F13B: variants seen among roughly 807,000 people sequenced by gnomAD.
F13B encodes the protein coagulation factor XIII B chain, also known as TGase.
A neutral mutation model predicts 79.8 loss-of-function variants in F13B; 58 were observed. The ratio of observed to expected loss-of-function variants is 0.73; its 90% CI spans 0.59 to 0.90. F13B has a LOEUF of 0.90. Among genes scored for constraint, F13B ranks in the 40% least tolerant of loss-of-function variants. F13B has a pLI of 0.00. For synonymous variants in F13B, 283 were observed against 260.3 expected (o/e 1.09, Z -0.84); for missense variants, 773 against 777.0 (o/e 0.99, Z 0.06).
intron 10 of F13B, among the ~76,000 whole-genome samples, chr1:197,044,199 C>A (rs1655142676): frequency 6.6e-6 from 1 of 152,036 alleles, no homozygotes; most frequent in Admixed American, 6.6e-5. Flanking sequence ...AAGGTCTTAG[C>A]CACCGACAGA....
In F13B at chr1:197,057,271, C is replaced by T; in HGVS notation, c.985+15G>A. The T allele has an allele frequency of 2.5e-6, 4 of 1,613,904 alleles. No individual in the cohort carries two copies. Among genetic ancestry groups the T allele is most frequent in the Non-Finnish European group, 3.4e-6 (4 of 1,179,902 alleles). The stretch of plus-strand genomic sequence containing the variant: ...AGATTTCATTTTAGCAAAGCTTCTT[C>T]AAGGTGTTACTAACCAATGCATTTT... On this transcript the variant is annotated intron_variant, in intron 6 of 11. Transcript: ENST00000367412.
intron 10 of F13B, among the ~76,000 whole-genome samples, chr1:197,042,084 T>C (rs1428391834): frequency 6.6e-6 from 1 of 152,220 alleles, no homozygotes; most frequent in Non-Finnish European, 1.5e-5. Flanking sequence ...AATTTAACGT[T>C]TTCAGACTGC....
intron 10 of F13B, among the ~76,000 whole-genome samples, chr1:197,049,127 A>T (rs1655348265): frequency 6.6e-6 from 1 of 152,058 alleles, no homozygotes; most frequent in Non-Finnish European, 1.5e-5. Flanking sequence ...GTGCTCAGAG[A>T]GAAATTTCTA....
At chr1:197,050,403 C>T (rs964500687) in intron 10 of F13B, among the ~76,000 whole-genome samples, 1 of 151,994 alleles carries the variant, frequency 6.6e-6, no homozygotes, top group African/African-American at 2.4e-5. Context: ...GTACCAATCA[C>T]AATGAATGAT....
Position 197,050,707 on chromosome 1 carries a change from T to C in F13B, c.1728A>G (p.Pro576=), listed in dbSNP as rs1655409809. The part of the protein sequence containing the change: ...YCLDGMWTTP[P]LCLEPCTLSF... ...TTTAGTAGTACATACCTAAACACAA[T>C]GGTGGTGTAGTCCACATTCCATCTA... Residue 576 remains proline (P), a synonymous_variant, in exon 10 of 12, where the codon CCA becomes CCG. Coordinates refer to ENST00000367412, the MANE Select transcript of F13B (RefSeq NM_001994.3). 2.5e-6 allele frequency: 4 copies of C among 1,612,898 alleles called. No homozygotes were observed. Among genetic ancestry groups the C allele is most frequent in the East Asian group, 2.2e-5 (1 of 44,832 alleles).
intron 8 of F13B, among the ~76,000 whole-genome samples, chr1:197,053,459 G>A (rs576632280): frequency 2.0e-5 from 3 of 152,022 alleles, no homozygotes; most frequent in South Asian, 4.1e-4. Flanking sequence ...GAGTTTCCCT[G>A]CACATGCTCT....
chr1:197,057,733 T>C (rs1372686439), intron 5 of F13B, among the ~76,000 whole-genome samples: 3 of 151,970 alleles, frequency 2.0e-5, no homozygotes, highest in Non-Finnish European at 2.9e-5. Flanking sequence ...GTAACATCAG[T>C]TTTTAACGCC....
intron 2 of F13B, 151 bp from the exon 3 acceptor site, chr1:197,062,120 C>T (rs918659982): frequency 7.3e-6 from 5 of 685,824 alleles, no homozygotes; most frequent in Non-Finnish European, 1.2e-5. Flanking sequence ...CAATTTAACA[C>T]TGACTCTCTT....
chr1:197,054,785 T>C lies in F13B; in HGVS notation c.1354+930A>G, dbSNP rs566699572. ...TCAAAGTTAACAAAGATTAGGATGA[T>C]TACTACTTTAATTCACTTATGGTAG... On this transcript the variant is annotated intron_variant, in intron 8 of 11. Transcript: ENST00000367412. 1.4e-4 allele frequency among the ~76,000 whole-genome samples: 21 copies of C among 152,104 alleles called. 1 individual carries two copies. The East Asian group carries it at 3.7e-3, about 27-fold the overall frequency.
At chr1:197,053,895 G>A (rs1655541437) in intron 8 of F13B, among the ~76,000 whole-genome samples, 4 of 152,018 alleles carry the variant, frequency 2.6e-5, no homozygotes, top group Admixed American at 2.6e-4. Flanking sequence ...TGAAGTGAGA[G>A]CATTCTTGGC....
intron 7 of F13B, 76 bp downstream of exon 7, chr1:197,056,937 T>C: frequency 2.0e-6 from 3 of 1,483,946 alleles, no homozygotes; most frequent in East Asian, 2.3e-5. Flanking sequence ...TTCCTAGGAA[T>C]ATTCAGATTA....
intron 3 of F13B, among the ~76,000 whole-genome samples, chr1:197,061,456 T>C (rs1242136428): frequency 2.0e-5 from 3 of 152,118 alleles, no homozygotes; most frequent in Non-Finnish European, 4.4e-5. Context: ...TGGTTCACAA[T>C]ATAAAATAAT....
chr1:197,060,845 T>G (rs1310390620), intron 4 of F13B, 54 bp downstream of exon 4: 43 of 1,510,276 alleles, frequency 2.8e-5, no homozygotes, highest in Non-Finnish European at 3.8e-5. Context: ...TACACTTCTC[T>G]ATGAGAAAAA....
intron 1 of F13B, among the ~76,000 whole-genome samples, chr1:197,063,932 T>C (rs1463068608): frequency 6.6e-6 from 1 of 152,136 alleles, no homozygotes; most frequent in East Asian, 1.9e-4. Flanking sequence ...CTCCTTAACA[T>C]ATGCTAACTC....
intron 10 of F13B, among the ~76,000 whole-genome samples, chr1:197,045,765 A>G (rs1474228951): frequency 6.6e-6 from 1 of 152,226 alleles, no homozygotes; most frequent in Non-Finnish European, 1.5e-5. Context: ...AAAATCCTCA[A>G]TAAAATACTG....
intron 9 of F13B, among the ~76,000 whole-genome samples, chr1:197,051,407 T>A (rs191664910): frequency 6.6e-6 from 1 of 152,266 alleles, no homozygotes. Context: ...CTAGAAGCCA[T>A]GATTTCTGTA....
At chr1:197,064,691 T>G (rs1016436021) in intron 1 of F13B, among the ~76,000 whole-genome samples, 2 of 152,170 alleles carry the variant, frequency 1.3e-5, no homozygotes, top group Non-Finnish European at 2.9e-5. Flanking sequence ...ACTATATAAG[T>G]GTATCCTGTG....
rs938869910 is a variant in F13B, at chr1:197,057,572, T to G, written c.806-107A>C. 5.0e-6 allele frequency: 6 copies of G among 1,189,812 alleles called. No individual in the cohort carries two copies. The Admixed American group carries it at 8.1e-5, about 16-fold the overall frequency. 73.7% of individuals were successfully genotyped at this position (1,189,812 alleles called of 1,614,324 possible). A position where few individuals can be genotyped will look rare whatever the true frequency, so the allele number is the denominator to read the frequency against. On this transcript the variant is annotated intron_variant, in intron 5 of 11. Transcript: ENST00000367412. ...AAGCATCATAGAGAGAATGGCAGAC[T>G]GATTCTAGGAGCATTCCTTTGATCC...
At chr1:197,046,875 A>T (rs1655253288) in intron 10 of F13B, among the ~76,000 whole-genome samples, 1 of 152,184 alleles carries the variant, frequency 6.6e-6, no homozygotes. Flanking sequence ...CAACCATCTG[A>T]TGTTTGACAA....
Sources: allele counts gnomAD v4.1 joint callset (sites outside exome capture counted in the v4.1 genomes callset), GRCh38; gene constraint gnomAD v4.1.1; transcripts MANE v1.5; gene names NCBI Gene and HGNC (gene_info 2026-07-23, HGNC 2026-07-21).